Variants in SCD5 observed in about 807,000 individuals in gnomAD.
SCD5 encodes the protein stearoyl-CoA desaturase 5.
Under a neutral mutation model 30.4 loss-of-function variants are expected in SCD5, and 20 were observed. The observed-to-expected ratio is 0.66, with a 90% CI of 0.46 to 0.96. SCD5 has a LOEUF of 0.96. Among genes scored for constraint, SCD5 ranks in the 40% least tolerant of loss-of-function variants. The pLI is 0.00. For missense variants in SCD5, 381 were observed against 443.3 expected, an observed-to-expected ratio of 0.86 and a Z score of 1.26; for synonymous variants, 173 against 176.4, an observed-to-expected ratio of 0.98 and a Z score of 0.16.
chr4:82,716,425 GA>G (rs1372778705), intron 1 of SCD5, among the ~76,000 whole-genome samples: 6 of 152,014 alleles, frequency 3.9e-5, no homozygotes, highest in Admixed American at 1.3e-4. Flanking sequence ...GGACTTAAGT[GA>G]AAATACATAC....
intron 1 of SCD5, among the ~76,000 whole-genome samples, chr4:82,794,807 G>A (rs998102781): frequency 6.6e-6 from 1 of 151,976 alleles, no homozygotes; most frequent in Non-Finnish European, 1.5e-5. Flanking sequence ...CCACCACCAC[G>A]CCCGGCTAAT....
At chr4:82,667,995 A>G (rs1728228040) in intron 3 of SCD5, among the ~76,000 whole-genome samples, 1 of 152,224 alleles carries the variant, frequency 6.6e-6, no homozygotes, top group Admixed American at 6.5e-5. Context: ...TCAAAGCAGG[A>G]TGATGAAGTG....
chr4:82,732,139 C>T (rs1355550019), intron 1 of SCD5, among the ~76,000 whole-genome samples: 2 of 152,010 alleles, frequency 1.3e-5, no homozygotes, highest in African/African-American at 2.4e-5. Flanking sequence ...CTTGCTCTGT[C>T]ACCCAGGCTG....
At chr4:82,652,872 G>C (rs2148815097) in intron 3 of SCD5, among the ~76,000 whole-genome samples, 1 of 152,356 alleles carries the variant, frequency 6.6e-6, no homozygotes, top group South Asian at 2.1e-4. Context: ...AAAGACTTCA[G>C]TTGGGTGTGG....
At chr4:82,676,774 G>A (rs1728445287) in intron 3 of SCD5, among the ~76,000 whole-genome samples, 1 of 152,220 alleles carries the variant, frequency 6.6e-6, no homozygotes, top group Admixed American at 6.5e-5. Context: ...CTAGGACAGG[G>A]GCCCTAGTTG....
intron 1 of SCD5, among the ~76,000 whole-genome samples, chr4:82,723,633 C>T (rs1031506236): frequency 6.6e-6 from 1 of 152,192 alleles, no homozygotes; most frequent in Admixed American, 6.5e-5. Flanking sequence ...TTGACACCTT[C>T]TGATGATGAA....
intron 1 of SCD5, among the ~76,000 whole-genome samples, chr4:82,784,195 T>G (rs1440862324): frequency 6.6e-6 from 1 of 152,170 alleles, no homozygotes; most frequent in South Asian, 2.1e-4. Context: ...CCCAGGTGCA[T>G]GTGAGGCAGC....
intron 3 of SCD5, among the ~76,000 whole-genome samples, chr4:82,644,970 A>G (rs1578002913): frequency 6.6e-6 from 1 of 152,344 alleles, no homozygotes; most frequent in East Asian, 1.9e-4. Flanking sequence ...CTGCCTATCT[A>G]TGAACACTCA....
chr4:82,635,145 A>G (rs544559269), intron 4 of SCD5, among the ~76,000 whole-genome samples: 3 of 152,358 alleles, frequency 2.0e-5, no homozygotes, highest in African/African-American at 7.2e-5. Context: ...AAGAAGTCTG[A>G]GTTGCTTCTA....
chr4:82,743,963 C>T (rs533976104), intron 1 of SCD5, among the ~76,000 whole-genome samples: 2 of 152,162 alleles, frequency 1.3e-5, no homozygotes, highest in South Asian at 4.1e-4. Flanking sequence ...GTAGCTGGGA[C>T]TACAGGCACG....
chr4:82,694,871 T>C (rs1719663963), intron 2 of SCD5, among the ~76,000 whole-genome samples: 1 of 152,140 alleles, frequency 6.6e-6, no homozygotes, highest in African/African-American at 2.4e-5. Context: ...ACCCATTCTG[T>C]TCAAGGGTTA....
At chr4:82,776,245 T>G (rs1721742239) in intron 1 of SCD5, 1 of 152,222 alleles carries the variant, frequency 6.6e-6, no homozygotes, top group African/African-American at 2.4e-5. Context: ...TGCTCTGGTG[T>G]AAAGTGCCAC....
rs533741794 is a variant in SCD5, at chr4:82,630,792, C to G, written c.*535G>C. ...CTGCACTCCAGCCTGGGGGACAGAG[C>G]GAGCCTCCGTCTCAAAAAAAAAAAA... On this transcript the variant is annotated 3_prime_UTR_variant, in exon 5 of 5. Transcript: ENST00000319540. 6.8e-6 allele frequency: 1 copy of G among 147,222 alleles called. No homozygotes were observed. Among genetic ancestry groups the G allele is most frequent in the Admixed American group, 6.7e-5 (1 of 14,822 alleles). The allele number at this position is 147,222 out of a possible 1,614,324, so 9.1% of individuals were successfully genotyped here.
At chr4:82,679,204 A>AG (rs1447160241) in intron 3 of SCD5, among the ~76,000 whole-genome samples, 43 of 42,116 alleles carry the variant, frequency 1.0e-3, no homozygotes, top group African/African-American at 3.8e-3. Context: ...ATCTCCAAAA[A>AG]AAAAAAAAAA....
intron 1 of SCD5, among the ~76,000 whole-genome samples, chr4:82,776,687 G>A (rs569737735): frequency 3.9e-5 from 6 of 152,302 alleles, no homozygotes; most frequent in Non-Finnish European, 8.8e-5. Flanking sequence ...GACACCAGAG[G>A]CATTTCTAGA....
At chr4:82,792,346 G>A (rs1324158403) in intron 1 of SCD5, among the ~76,000 whole-genome samples, 2 of 152,176 alleles carry the variant, frequency 1.3e-5, no homozygotes, top group South Asian at 4.1e-4. Context: ...CAGGTTTCAT[G>A]ACCAGGCCCC....
intron 2 of SCD5, among the ~76,000 whole-genome samples, chr4:82,697,741 T>A (rs1719726061): frequency 6.6e-6 from 1 of 152,240 alleles, no homozygotes; most frequent in African/African-American, 2.4e-5. Context: ...GAGAGTTTCC[T>A]GGTTTCCTTT....
rs762732703 is a variant in SCD5, at chr4:82,712,243, CATATATATATATATATAT to C, written c.233-6848_233-6831del. ...ATAGGTCTGGGGAGGGACCAACTAA[CATATATATATATATATAT>C]ATATATATATATATATATATATATA... On this transcript the variant is annotated intron_variant, in intron 1 of 4. Transcript: ENST00000319540. Among the ~76,000 whole-genome samples, 94 of 28,828 alleles carry C rather than the reference CATATATATATATATATAT, an allele frequency of 3.3e-3. 4 individuals carry two copies. Among genetic ancestry groups the C allele is most frequent in the Admixed American group, 5.8e-3 (15 of 2,580 alleles). 18.9% of individuals were successfully genotyped at this position (28,828 alleles called of 152,430 possible). A position where few individuals can be genotyped will look rare whatever the true frequency, so the allele number is the denominator to read the frequency against.
At chr4:82,753,073 G>A (rs1721140361) in intron 1 of SCD5, among the ~76,000 whole-genome samples, 1 of 152,144 alleles carries the variant, frequency 6.6e-6, no homozygotes, top group African/African-American at 2.4e-5. Flanking sequence ...AGGAGCACAT[G>A]GGAAGAGAAG....
Sources: gnomAD v4.1 joint callset for allele counts (sites outside exome capture counted in the v4.1 genomes callset) on GRCh38, gnomAD v4.1.1 for gene constraint, MANE v1.5 for transcripts, NCBI Gene and HGNC (gene_info 2026-07-23, HGNC 2026-07-21) for gene names.